Variants in NEURL1 observed in about 807,000 individuals in gnomAD.
NEURL1 encodes neuralized E3 ubiquitin protein ligase 1.
Under a neutral mutation model 41.2 loss-of-function variants are expected in NEURL1, and 26 were observed. The observed-to-expected ratio is 0.63, with a 90% CI of 0.46 to 0.87. NEURL1 has a LOEUF of 0.87. Ranked by LOEUF, NEURL1 falls within the 40% of genes least tolerant of loss-of-function variation. The probability of loss-of-function intolerance (pLI) is 0.00; values close to 1 mark genes in which losing one functional copy is unlikely to be tolerated. For missense variants in NEURL1, 761 were observed against 871.1 expected (o/e 0.87, Z 1.59); for synonymous variants, 400 against 402.3 (o/e 0.99, Z 0.07).
chr10:103,542,064 A>G (rs1438984227), intron 1 of NEURL1, among the ~76,000 whole-genome samples: 1 of 152,136 alleles, frequency 6.6e-6, no homozygotes, highest in Non-Finnish European at 1.5e-5. Flanking sequence ...TGGGAAATCT[A>G]TGCCTCATTG....
chr10:103,526,252 G>A (rs1157723565), intron 1 of NEURL1, among the ~76,000 whole-genome samples: 1 of 152,144 alleles, frequency 6.6e-6, no homozygotes, highest in African/African-American at 2.4e-5. Context: ...TGGCCTCATT[G>A]AATAAGTTTA....
chr10:103,562,123 G>C (rs900711604), intron 1 of NEURL1, among the ~76,000 whole-genome samples: 2 of 152,238 alleles, frequency 1.3e-5, no homozygotes, highest in African/African-American at 4.8e-5. Context: ...CATGGCTTAC[G>C]CCTGTAATCC....
At chr10:103,555,445 C>A in intron 1 of NEURL1, 1 of 1,345,952 alleles carries the variant, frequency 7.4e-7, no homozygotes, top group Non-Finnish European at 9.9e-7. Flanking sequence ...CGGGCCCGCC[C>A]ACCCCAGCCC....
At chr10:103,523,751 T>C (rs2034404658) in intron 1 of NEURL1, among the ~76,000 whole-genome samples, 1 of 152,202 alleles carries the variant, frequency 6.6e-6, no homozygotes, top group African/African-American at 2.4e-5. Context: ...CTGAGCTCAT[T>C]CATATTGCCA....
At chr10:103,561,262 CTTT>C (rs767348574) in intron 1 of NEURL1, among the ~76,000 whole-genome samples, 9 of 141,720 alleles carry the variant, frequency 6.4e-5, no homozygotes, top group African/African-American at 2.1e-4. Context: ...CTCTGTATTC[CTTT>C]TTTTTTTTTT....
intron 1 of NEURL1, among the ~76,000 whole-genome samples, chr10:103,533,843 G>C (rs1295793928): frequency 6.6e-6 from 1 of 151,512 alleles, no homozygotes; most frequent in African/African-American, 2.4e-5. Flanking sequence ...GCCTAATTTT[G>C]TATTTTTAGT....
intron 1 of NEURL1, among the ~76,000 whole-genome samples, chr10:103,567,702 T>C (rs991730094): frequency 3.3e-5 from 5 of 152,222 alleles, no homozygotes; most frequent in Non-Finnish European, 5.9e-5. Flanking sequence ...CCTGGCCTCT[T>C]AATGCTTAAT....
intron 1 of NEURL1, among the ~76,000 whole-genome samples, chr10:103,518,122 C>G (rs940414054): frequency 2.6e-5 from 4 of 152,168 alleles, no homozygotes; most frequent in African/African-American, 9.7e-5. Flanking sequence ...TTGCCCCTTT[C>G]TCCACTTACT....
intron 1 of NEURL1, among the ~76,000 whole-genome samples, chr10:103,499,385 C>T (rs1232455601): frequency 4.6e-5 from 7 of 151,448 alleles, no homozygotes; most frequent in African/African-American, 1.7e-4. Flanking sequence ...TTTTCTTTCT[C>T]TCCCTCCCTC....
chr10:103,574,728 G>C (rs932956442), intron 3 of NEURL1, among the ~76,000 whole-genome samples: 1 of 152,130 alleles, frequency 6.6e-6, no homozygotes, highest in Non-Finnish European at 1.5e-5. Flanking sequence ...AATCTGAAGG[G>C]CCCATCCTGG....
Position 103,508,227 on chromosome 10 carries a change from C to T in NEURL1, c.85+13755C>T, listed in dbSNP as rs1428784123. Among the ~76,000 whole-genome samples the T allele has an allele frequency of 1.3e-5, 2 of 152,150 alleles. No individual in the cohort carries two copies. The highest frequency in any genetic ancestry group is 3.9e-4 in the East Asian group (2 of 5,178). ...GAATTTGAAAAGCATGTAACCAACCCCTCTCCCCTCCCATGACAGAATTCA... is the reference window on the plus strand; with the variant it reads ...GAATTTGAAAAGCATGTAACCAACCTCTCTCCCCTCCCATGACAGAATTCA... On this transcript the variant is annotated intron_variant, in intron 1 of 5. Transcript: ENST00000369780. The surrounding 1 kb of genome is among the most constrained non-coding windows in gnomAD (Gnocchi z 4.3).
At chr10:103,585,564 G>T (rs1314765200) in intron 4 of NEURL1, among the ~76,000 whole-genome samples, 1 of 152,208 alleles carries the variant, frequency 6.6e-6, no homozygotes, top group Non-Finnish European at 1.5e-5. Flanking sequence ...GCCAGGTGCG[G>T]TGGCTCACGC....
intron 3 of NEURL1, among the ~76,000 whole-genome samples, chr10:103,578,738 C>T (rs563063506): frequency 6.6e-5 from 10 of 152,300 alleles, no homozygotes; most frequent in African/African-American, 2.2e-4. Context: ...GTTTGTTTCT[C>T]CTAAATTTCC....
intron 1 of NEURL1, among the ~76,000 whole-genome samples, chr10:103,551,447 C>T (rs1439178153): frequency 1.3e-5 from 2 of 151,412 alleles, no homozygotes; most frequent in East Asian, 3.9e-4. Flanking sequence ...GGATTACAGG[C>T]GTGTGCCACC....
At chr10:103,510,452 C>T (rs1489080094) in intron 1 of NEURL1, among the ~76,000 whole-genome samples, 1 of 152,172 alleles carries the variant, frequency 6.6e-6, no homozygotes, top group East Asian at 1.9e-4. Context: ...AGTGAGCACA[C>T]ATCGAGTGGG....
At chr10:103,527,326 G>T (rs138469779) in intron 1 of NEURL1, among the ~76,000 whole-genome samples, 1 of 139,454 alleles carries the variant, frequency 7.2e-6, no homozygotes, top group Non-Finnish European at 1.5e-5. Flanking sequence ...GCAGAGTCTC[G>T]CTCTGTTGCC....
Position 103,556,551 on chromosome 10 carries a change from C to G in NEURL1, c.86-14321C>G, listed in dbSNP as rs570097615. On this transcript the variant is annotated intron_variant, in intron 1 of 5. Coordinates refer to ENST00000369780, the MANE Select transcript of NEURL1 (RefSeq NM_004210.5). This position sits in a 1 kb window ranked among gnomAD's most constrained non-coding sequence, Gnocchi z 4.4. ...GGCAGCCGCAGCCGGAACTGGTGAC[C>G]AGGTGGCTTCTCCCTTCCAGGCTCT... 6.6e-5 allele frequency among the ~76,000 whole-genome samples: 10 copies of G among 152,240 alleles called. No homozygotes were observed. The East Asian group carries it at 1.9e-3, about 29-fold the overall frequency.
intron 3 of NEURL1, among the ~76,000 whole-genome samples, chr10:103,573,891 C>T (rs2035600936): frequency 6.6e-6 from 1 of 152,242 alleles, no homozygotes. Flanking sequence ...ATTCTTCTCT[C>T]CATCTTTGTG....
At chr10:103,588,876 G>A (rs747206335) in intron 4 of NEURL1, 46 of 447,198 alleles carry the variant, frequency 1.0e-4, no homozygotes, top group Non-Finnish European at 2.7e-5. Context: ...AACCTGGGAT[G>A]TGGAGATTGT....
Sources: allele counts gnomAD v4.1 joint callset (sites outside exome capture counted in the v4.1 genomes callset), GRCh38; gene constraint gnomAD v4.1.1; non-coding constraint Gnocchi (gnomAD v3.1); transcripts MANE v1.5; gene names NCBI Gene and HGNC (gene_info 2026-07-23, HGNC 2026-07-21).